Variants in MCM3 observed in about 807,000 individuals in gnomAD.
MCM3 encodes the protein DNA replication licensing factor MCM3.
Under a neutral mutation model 91.3 loss-of-function variants are expected in MCM3, and 59 were observed. That is an observed-to-expected ratio of 0.65 (90% CI 0.52 to 0.80). The LOEUF is 0.80. Among genes scored for constraint, MCM3 ranks in the 30% least tolerant of loss-of-function variants. The probability of loss-of-function intolerance (pLI) is 0.00; values close to 1 mark genes in which losing one functional copy is unlikely to be tolerated. For synonymous variants in MCM3, 383 were observed against 379.6 expected (o/e 1.01, Z -0.10); for missense variants, 919 against 1,035.4 (o/e 0.89, Z 1.54).
chr6:52,275,163 C>G (rs1267051633), intron 9 of MCM3, among the ~76,000 whole-genome samples: 2 of 152,174 alleles, frequency 1.3e-5, no homozygotes, highest in Non-Finnish European at 2.9e-5. Flanking sequence ...AGCTCCAACT[C>G]AAGAGATTTT....
At chr6:52,283,173 T>G in intron 2 of MCM3, 121 bp downstream of exon 2, 1 of 750,406 alleles carries the variant, frequency 1.3e-6, no homozygotes, top group Non-Finnish European at 2.2e-6. Context: ...GCAGGTGAGC[T>G]ACGAGGGCTT....
intron 1 of MCM3, 115 bp downstream of exon 1, chr6:52,284,482 G>T: frequency 1.1e-6 from 1 of 916,128 alleles, no homozygotes; most frequent in Non-Finnish European, 1.6e-6. Context: ...GCTCGGGCCC[G>T]GCAGGCTCCG....
In MCM3 at chr6:52,264,171, A is replaced by G. The variant is rs559189578; in HGVS notation, c.*417T>C. On this transcript the variant is annotated 3_prime_UTR_variant, in exon 17 of 17. Coordinates refer to ENST00000596288, the MANE Select transcript of MCM3 (RefSeq NM_002388.6). ...CGTGCCTCAGAGCTTCTCTCCACCA[A>G]TTGGAACCACCCAAAGCCTAGTCTA... 1.2e-4 allele frequency: 22 copies of G among 181,368 alleles called. No homozygotes were observed. The highest frequency in any genetic ancestry group is 3.8e-4 in the Admixed American group (7 of 18,386). The allele number at this position is 181,368 out of a possible 1,614,324, so 11.2% of individuals were successfully genotyped here.
chr6:52,272,497 A>G (rs1427460192), intron 11 of MCM3, 46 bp from the exon 12 acceptor site: 3 of 1,608,782 alleles, frequency 1.9e-6, no homozygotes, highest in African/African-American at 1.3e-5. Context: ...ACACCTTACC[A>G]CCTGCCTGGA....
Position 52,282,126 on chromosome 6 carries a change from A to T in MCM3, c.450T>A (p.Ala150=), listed in dbSNP as rs768941914. 13 of 1,614,084 alleles carry T rather than the reference A, an allele frequency of 8.1e-6. No homozygotes were observed. In the East Asian group the frequency reaches 2.7e-4, roughly 33 times the overall value. The change falls in exon 4 of 17, where the codon GCT becomes GCA. Residue 150 remains alanine, a synonymous_variant. Coordinates refer to ENST00000596288, the MANE Select transcript of MCM3 (RefSeq NM_002388.6). ...AACGTCGCTCTATGGTCTTCTTAGT[A>T]GCAGGACAGTAGTGGACACTGCGGA... ...KVVRSVHYCP[A]TKKTIERRYS... is the part of the protein sequence containing the mutation.
intron 12 of MCM3, among the ~76,000 whole-genome samples, chr6:52,271,047 C>T (rs1765093174): frequency 6.6e-6 from 1 of 151,878 alleles, no homozygotes; most frequent in Non-Finnish European, 1.5e-5. Flanking sequence ...CCCGTCTCTA[C>T]TAAAAATACA....
chr6:52,284,713 G>A lies in MCM3; in HGVS notation c.-39C>T, dbSNP rs1484975032. On this transcript the variant is annotated 5_prime_UTR_variant, in exon 1 of 17. Transcript: ENST00000596288. Reference sequence around the variant, plus strand: ...GAACTACCTCCACCAAAGTCGCGTGGAGGTTCCCAGGATGACTCCACCCCG... The same window carrying A: ...GAACTACCTCCACCAAAGTCGCGTGAAGGTTCCCAGGATGACTCCACCCCG... 6.3e-7 allele frequency: 1 copy of A among 1,584,010 alleles called. No homozygotes were observed.
intron 13 of MCM3, among the ~76,000 whole-genome samples, chr6:52,268,780 G>A (rs1764851525): frequency 6.6e-6 from 1 of 151,690 alleles, no homozygotes; most frequent in African/African-American, 2.4e-5. Context: ...TTTTTTTTAA[G>A]ATGCAAAGGA....
Position 52,266,695 on chromosome 6 carries a change from T to G in MCM3, c.2074A>C (p.Arg692=). The change falls in exon 15 of 17, where the codon AGG becomes CGG. Residue 692 remains arginine, a splice_region_variant and synonymous_variant. Transcript: ENST00000596288. ...TTGGCATCTGGCTGGCGAGTCTTCC[T>G]TCTAAAATACCCACAGCAGTTAAGA... ...QEDQEQKRKR[R]KTRQPDAKDG... is the part of the protein sequence containing the mutation. 2 of 1,613,362 alleles carry G rather than the reference T, an allele frequency of 1.2e-6. No individual in the cohort carries two copies. The highest frequency in any genetic ancestry group is 1.7e-6 in the Non-Finnish European group (2 of 1,179,278).
chr6:52,265,945 G>T, intron 16 of MCM3, 130 bp downstream of exon 16: 1 of 625,872 alleles, frequency 1.6e-6, no homozygotes. Flanking sequence ...AATGTTAAAA[G>T]CTGCAGGCCT....
intron 5 of MCM3, among the ~76,000 whole-genome samples, chr6:52,279,094 CG>C (rs1204234344): frequency 6.6e-6 from 1 of 152,074 alleles, no homozygotes; most frequent in Admixed American, 6.5e-5. Context: ...TGTATGGGGA[CG>C]AAGTGTAATT....
chr6:52,271,148 A>G (rs1248384604), intron 12 of MCM3, among the ~76,000 whole-genome samples: 1 of 151,824 alleles, frequency 6.6e-6, no homozygotes, highest in East Asian at 1.9e-4. Context: ...ACTGCACTCC[A>G]GCCTGGGTAA....
chr6:52,273,724 C>T lies in MCM3; in HGVS notation c.1549+18G>A, dbSNP rs1187909527. 6.3e-7 allele frequency: 1 copy of T among 1,595,066 alleles called. No homozygotes were observed. The highest frequency in any genetic ancestry group is 8.5e-7 in the Non-Finnish European group (1 of 1,169,764). ...AGCGCCTTTCCATTAGTTACTCTTA[C>T]TATTCTTATGGCCTCACCATCGCCA... On this transcript the variant is annotated intron_variant, in intron 10 of 16. Coordinates refer to ENST00000596288, the MANE Select transcript of MCM3 (RefSeq NM_002388.6).
At chr6:52,266,379 CT>C (rs753257851) in intron 15 of MCM3, among the ~76,000 whole-genome samples, 5 of 152,150 alleles carry the variant, frequency 3.3e-5, no homozygotes, top group Non-Finnish European at 5.9e-5. Context: ...ATCTGAAATG[CT>C]TATACCAGGT....
In MCM3 at chr6:52,267,849, G is replaced by T. The variant is rs112476851; in HGVS notation, c.2072+16C>A. 2.0e-3 allele frequency: 1,852 copies of T among 905,162 alleles called. 20 individuals carry two copies. In the African/African-American group the frequency reaches 0.027, roughly 13 times the overall value. The allele number at this position is 905,162 out of a possible 1,614,324, so 56.1% of individuals were successfully genotyped here. On this transcript the variant is annotated intron_variant, in intron 14 of 16. Transcript: ENST00000596288. ...GGCCACTAACTTTTTAATCTCATTT[G>T]CTTGCCCCACCTTACCTCTTCCTCT...
Position 52,269,139 on chromosome 6 carries a change from G to A in MCM3, c.1915C>T (p.Leu639=). 6.2e-7 allele frequency: 1 copy of A among 1,614,066 alleles called. No individual in the cohort carries two copies. The change falls in exon 13 of 17, where the codon CTG becomes TTG. Residue 639 remains leucine (L), a synonymous_variant. Coordinates refer to ENST00000596288, the MANE Select transcript of MCM3 (RefSeq NM_002388.6). ...AKARMSKTVD[L]QDAEEAVELV... is the part of the protein sequence containing the mutation. The stretch of plus-strand genomic sequence containing the variant: ...TCCACAGCTTCCTCTGCATCCTGCA[G>A]GTCCACAGTCTTGCTCATGCGGGCC...
At chr6:52,266,438 A>C (rs911846265) in intron 15 of MCM3, among the ~76,000 whole-genome samples, 173 bp downstream of exon 15, 4 of 152,222 alleles carry the variant, frequency 2.6e-5, no homozygotes, top group Non-Finnish European at 4.4e-5. Flanking sequence ...AATATAGCAA[A>C]GCTTTTTCCA....
intron 9 of MCM3, 131 bp downstream of exon 9, chr6:52,276,137 C>A: frequency 1.3e-6 from 1 of 781,972 alleles, no homozygotes; most frequent in Non-Finnish European, 2.0e-6. Flanking sequence ...AGGACAATAA[C>A]AAGAAAATGG....
At chr6:52,284,281 AAG>A (rs1406894057) in intron 1 of MCM3, among the ~76,000 whole-genome samples, 3 of 152,180 alleles carry the variant, frequency 2.0e-5, no homozygotes, top group South Asian at 2.1e-4. Context: ...TCCTCAAATC[AAG>A]AGAGAGCAGT....
Sources: gnomAD v4.1 joint callset for allele counts (sites outside exome capture counted in the v4.1 genomes callset) on GRCh38, gnomAD v4.1.1 for gene constraint, MANE v1.5 for transcripts, NCBI Gene and HGNC (gene_info 2026-07-23, HGNC 2026-07-21) for gene names.